Variants in CBLB observed in about 807,000 individuals in gnomAD.
CBLB encodes the protein Cbl proto-oncogene B, also known as E3 ubiquitin-protein ligase CBL-B.
A neutral mutation model predicts 104.9 loss-of-function variants in CBLB; 31 were observed. The observed-to-expected ratio is 0.30, with a 90% confidence interval of 0.22 to 0.40. The LOEUF is 0.40. CBLB is among the 10% of genes least tolerant of loss of function. The pLI is 1.00. For synonymous variants in CBLB, 440 were observed against 422.6 expected (o/e 1.04, Z -0.51); for missense variants, 1,062 against 1,214.6 (o/e 0.87, Z 1.87).
At chr3:105,751,245 A>G (rs559357219) in intron 5 of CBLB, among the ~76,000 whole-genome samples, 1 of 152,374 alleles carries the variant, frequency 6.6e-6, no homozygotes, top group Admixed American at 6.5e-5. Context: ...GGCTCACAGC[A>G]TCTGATAACT....
chr3:105,705,882 T>C (rs1195719143), intron 10 of CBLB, among the ~76,000 whole-genome samples: 3 of 152,226 alleles, frequency 2.0e-5, no homozygotes, highest in African/African-American at 7.2e-5. Context: ...ATGCCTGTAA[T>C]GCCAGCACTT....
At chr3:105,672,262 A>G (rs1268415940) in intron 17 of CBLB, 2 of 183,060 alleles carry the variant, frequency 1.1e-5, no homozygotes, top group Middle Eastern at 2.0e-3. Flanking sequence ...CCACTGTACT[A>G]TATTCTTCCA....
At chr3:105,748,739 T>C (rs2076336593) in intron 5 of CBLB, among the ~76,000 whole-genome samples, 1 of 152,240 alleles carries the variant, frequency 6.6e-6, no homozygotes, top group African/African-American at 2.4e-5. Context: ...AGGTTCTGCC[T>C]GCATATAAGA....
intron 16 of CBLB, chr3:105,681,180 CA>C: frequency 2.2e-6 from 1 of 454,882 alleles, no homozygotes; most frequent in Non-Finnish European, 3.9e-6. Context: ...CACTTCAAGT[CA>C]TCACTTCAAA....
At chr3:105,797,211 A>G (rs1397135329) in intron 3 of CBLB, among the ~76,000 whole-genome samples, 3 of 152,244 alleles carry the variant, frequency 2.0e-5, no homozygotes, top group African/African-American at 4.8e-5. Context: ...AGACTGGATA[A>G]AGACAGTGTG....
chr3:105,864,875 T>C (rs760068992), intron 2 of CBLB, among the ~76,000 whole-genome samples: 87 of 152,340 alleles, frequency 5.7e-4, no homozygotes, highest in Non-Finnish European at 1.0e-3. Context: ...TTTTACTTTA[T>C]TGGTAGCTGA....
intron 4 of CBLB, among the ~76,000 whole-genome samples, chr3:105,753,135 A>C (rs978128647): frequency 6.6e-6 from 1 of 152,172 alleles, no homozygotes; most frequent in Non-Finnish European, 1.5e-5. Context: ...GTCTGTGGGA[A>C]GTGGCATAAA....
intron 3 of CBLB, among the ~76,000 whole-genome samples, chr3:105,805,425 T>G (rs1246290261): frequency 6.6e-6 from 1 of 151,938 alleles, no homozygotes; most frequent in Non-Finnish European, 1.5e-5. Flanking sequence ...GTGCCTCAGC[T>G]TCCCAAATAG....
At chr3:105,737,391 T>G in intron 7 of CBLB, 133 bp from the exon 8 acceptor site, 1 of 505,774 alleles carries the variant, frequency 2.0e-6, no homozygotes, top group East Asian at 3.0e-5. Context: ...CAATAACATA[T>G]TACTTCAATG....
intron 9 of CBLB, among the ~76,000 whole-genome samples, chr3:105,721,260 C>T (rs2072777807): frequency 6.6e-6 from 1 of 152,182 alleles, no homozygotes; most frequent in African/African-American, 2.4e-5. Context: ...TTTAAAGAAA[C>T]TGTTCCATAA....
chr3:105,707,633 T>C (rs1228301615), intron 10 of CBLB, among the ~76,000 whole-genome samples: 1 of 152,260 alleles, frequency 6.6e-6, no homozygotes, highest in East Asian at 1.9e-4. Flanking sequence ...ACATTTTTAG[T>C]AGGTAATGTT....
intron 10 of CBLB, among the ~76,000 whole-genome samples, chr3:105,709,699 T>C (rs2070766017): frequency 6.6e-6 from 1 of 151,956 alleles, no homozygotes; most frequent in Non-Finnish European, 1.5e-5. Context: ...AGTAGTATCA[T>C]AAAGAAATCT....
chr3:105,721,533 C>T (rs1250552057), intron 9 of CBLB, among the ~76,000 whole-genome samples: 1 of 152,096 alleles, frequency 6.6e-6, no homozygotes, highest in African/African-American at 2.4e-5. Context: ...TCAATTGCAA[C>T]ATATTCTTAT....
intron 16 of CBLB, among the ~76,000 whole-genome samples, chr3:105,679,040 A>T (rs1023665864): frequency 6.6e-6 from 1 of 152,200 alleles, no homozygotes; most frequent in Non-Finnish European, 1.5e-5. Flanking sequence ...AGATTATCCC[A>T]TATAGTTTAT....
intron 3 of CBLB, among the ~76,000 whole-genome samples, chr3:105,778,295 C>T (rs190639368): frequency 6.6e-6 from 1 of 152,168 alleles, no homozygotes; most frequent in Admixed American, 6.5e-5. Context: ...TTTCTTTGCT[C>T]CATATTTACT....
At chr3:105,779,412 A>G (rs912748160) in intron 3 of CBLB, among the ~76,000 whole-genome samples, 1 of 152,222 alleles carries the variant, frequency 6.6e-6, no homozygotes, top group African/African-American at 2.4e-5. Context: ...TGGCTTTTGC[A>G]CAAAATAAGG....
intron 9 of CBLB, chr3:105,724,128 T>C (rs895350888): frequency 1.1e-5 from 2 of 175,008 alleles, no homozygotes; most frequent in Non-Finnish European, 2.5e-5. Flanking sequence ...TGAGAATAGG[T>C]TGGATCCATA....
chr3:105,804,382 G>A lies in CBLB; in HGVS notation c.420-27840C>T, dbSNP rs115100614. Among the ~76,000 whole-genome samples, 1,413 of 152,012 alleles carry A rather than the reference G, an allele frequency of 9.3e-3. 10 individuals carry two copies. Among genetic ancestry groups the A allele is most frequent in the South Asian group, 0.015 (74 of 4,816 alleles). On this transcript the variant is annotated intron_variant, in intron 3 of 18. Coordinates refer to ENST00000394030, the MANE Select transcript of CBLB (RefSeq NM_170662.5). ...AAAAATACAAAAAAACTGGCCAGGC[G>A]TGGTGGCAGGCGCCTGTGATCTTAG...
chr3:105,743,787 G>A (rs980292093), intron 6 of CBLB, among the ~76,000 whole-genome samples: 10 of 146,396 alleles, frequency 6.8e-5, no homozygotes, highest in Non-Finnish European at 1.2e-4. Flanking sequence ...ATTTGTTACA[G>A]TTTTTTTTTT....
Sources: gnomAD v4.1 joint callset for allele counts (sites outside exome capture counted in the v4.1 genomes callset) on GRCh38, gnomAD v4.1.1 for gene constraint, MANE v1.5 for transcripts, NCBI Gene and HGNC (gene_info 2026-07-23, HGNC 2026-07-21) for gene names.